The following ANK3 variants were observed in gnomAD, a reference collection of about 807,000 sequenced individuals.
ANK3 encodes ankyrin-3.
Under a neutral mutation model 370.9 loss-of-function variants are expected in ANK3, and 57 were observed. The observed-to-expected ratio is 0.15, with a 90% CI of 0.12 to 0.19. The LOEUF is 0.19. ANK3 is among the 10% of genes least tolerant of loss of function. The pLI is 1.00. For missense variants in ANK3, 4,439 were observed against 5,302.1 expected, an observed-to-expected ratio of 0.84 and a Z score of 5.06; for synonymous variants, 1,929 against 1,946.3, an observed-to-expected ratio of 0.99 and a Z score of 0.23.
chr10:60,211,500 G>A (rs1296492329), intron 9 of ANK3, among the ~76,000 whole-genome samples: 1 of 152,042 alleles, frequency 6.6e-6, no homozygotes, highest in Admixed American at 6.6e-5. Flanking sequence ...CTATGAAAAG[G>A]GAATAACAGT....
intron 1 of ANK3, among the ~76,000 whole-genome samples, chr10:60,691,311 A>G (rs2079349221): frequency 6.6e-6 from 1 of 152,188 alleles, no homozygotes; most frequent in Non-Finnish European, 1.5e-5. Flanking sequence ...TTGAAAAAGA[A>G]AAGAAAAGAA....
At chr10:60,178,204 T>G (rs2096036058) in intron 18 of ANK3, among the ~76,000 whole-genome samples, 1 of 152,210 alleles carries the variant, frequency 6.6e-6, no homozygotes, top group African/African-American at 2.4e-5. Context: ...AATCCCCATT[T>G]TTCTTCACAT....
chr10:60,413,374 G>A (rs1480478252), intron 2 of ANK3, among the ~76,000 whole-genome samples: 1 of 152,202 alleles, frequency 6.6e-6, no homozygotes. Context: ...CAGTGCCTCA[G>A]CTAAAGCTCT....
At chr10:60,507,772 G>T (rs2075978047) in intron 2 of ANK3, 1 of 151,874 alleles carries the variant, frequency 6.6e-6, no homozygotes, top group African/African-American at 2.4e-5. Flanking sequence ...ATATTAAAAG[G>T]ATTTAGCTAT....
chr10:60,049,930 A>G (rs2077608766), intron 42 of ANK3, among the ~76,000 whole-genome samples: 1 of 152,202 alleles, frequency 6.6e-6, no homozygotes, highest in African/African-American at 2.4e-5. Flanking sequence ...GATAGAAGAA[A>G]GTCAACTTCT....
At chr10:60,230,422 CA>C (rs1296098238) in intron 8 of ANK3, among the ~76,000 whole-genome samples, 1 of 152,156 alleles carries the variant, frequency 6.6e-6, no homozygotes, top group Non-Finnish European at 1.5e-5. Flanking sequence ...ACCAGATTGA[CA>C]AATATGCCTT....
rs757908506 is a variant in ANK3, at chr10:60,279,598, T to C, written c.156A>G (p.Gly52=). The C allele has an allele frequency of 6.2e-7, 1 of 1,612,694 alleles. No homozygotes were observed. The highest frequency in any genetic ancestry group is 1.7e-5 in the Admixed American group (1 of 59,564). Reference sequence around the variant, plus strand: ...TGTAGTCGAGGGCCTTTTCAAGGTGTCCAGCTCGAGCTGCTCTTAAGTAAC... The same window carrying C: ...TGTAGTCGAGGGCCTTTTCAAGGTGCCCAGCTCGAGCTGCTCTTAAGTAAC... ...NASYLRAARA[G]HLEKALDYIK... Residue 52 remains glycine (G), a synonymous_variant, in exon 2 of 44, where the codon GGA becomes GGG. Transcript: ENST00000280772.
chr10:60,043,973 C>T, intron 42 of ANK3: 1 of 985,840 alleles, frequency 1.0e-6, no homozygotes, highest in Non-Finnish European at 1.2e-6. Flanking sequence ...GCAAACACTT[C>T]AAGCTGCCAC....
At chr10:60,053,610 G>A in intron 42 of ANK3, 1 of 1,203,668 alleles carries the variant, frequency 8.3e-7, no homozygotes, top group South Asian at 1.4e-5. Flanking sequence ...AAACCAAATG[G>A]AATTTTCTCA....
intron 5 of ANK3, among the ~76,000 whole-genome samples, chr10:60,268,679 G>A (rs1372432963): frequency 6.6e-6 from 1 of 151,688 alleles, no homozygotes. Context: ...TTTTAGAAGT[G>A]CAGCTGCTAA....
chr10:60,300,828 A>C (rs1451421415), intron 1 of ANK3, among the ~76,000 whole-genome samples: 1 of 151,970 alleles, frequency 6.6e-6, no homozygotes, highest in African/African-American at 2.4e-5. Flanking sequence ...GTCAGGCTTG[A>C]CTTTTATTAT....
rs556956726 is a variant in ANK3 at position 60,341,029 on chromosome 10, G to A, written c.114+48396C>T. On this transcript the variant is annotated intron_variant, in intron 1 of 43. Coordinates refer to ENST00000280772, the MANE Select transcript of ANK3 (RefSeq NM_020987.5). ...GACTCCAGTGCAGAACTTCTAAGCCGTCATTCTGTGTTGGCTGTCTCTTAT... is the reference window on the plus strand; with the variant it reads ...GACTCCAGTGCAGAACTTCTAAGCCATCATTCTGTGTTGGCTGTCTCTTAT... Among the ~76,000 whole-genome samples, 12 of 152,230 alleles carry A rather than the reference G, an allele frequency of 7.9e-5. No homozygotes were observed. In the South Asian group the frequency reaches 8.3e-4, roughly 11 times the overall value.
rs761323592 is a variant in ANK3 at position 60,108,935 on chromosome 10, C to T, written c.3068G>A (p.Arg1023His). Residue 1023 changes from arginine to histidine, a missense_variant, in exon 27 of 44, where the codon CGT becomes CAT. Arg to His is a conservative substitution (Grantham distance 29). Around this residue, in one of 13 missense-constraint regions of ANK3, gnomAD observed 702 missense variants for 941.5 expected, o/e 0.75. Coordinates refer to ENST00000280772, the MANE Select transcript of ANK3 (RefSeq NM_020987.5). ...KCTAPTRITCRLVKRHKLANP... is the reference protein window; with the variant it reads ...KCTAPTRITCHLVKRHKLANP... ...GGCCAGTTTATGTCTCTTTACCAAA[C>T]GGCAGGTGATTCGAGTGGGGGCCGT... 11 of 1,614,028 alleles carry T rather than the reference C, an allele frequency of 6.8e-6. No individual in the cohort carries two copies. Among genetic ancestry groups the T allele is most frequent in the South Asian group, 1.1e-5 (1 of 91,080 alleles).
chr10:60,575,945 A>C (rs2077677119), intron 2 of ANK3, among the ~76,000 whole-genome samples: 1 of 152,168 alleles, frequency 6.6e-6, no homozygotes, highest in African/African-American at 2.4e-5. Flanking sequence ...GTGCATTTTA[A>C]ATTAAAATTG....
At chr10:60,554,204 T>A (rs1439339271) in intron 2 of ANK3, among the ~76,000 whole-genome samples, 3 of 152,174 alleles carry the variant, frequency 2.0e-5, no homozygotes, top group Non-Finnish European at 4.4e-5. Flanking sequence ...AAGCTATGCT[T>A]TTTATTTTTT....
At chr10:60,036,729 T>A (rs1275744618) in intron 43 of ANK3, among the ~76,000 whole-genome samples, 2 of 152,004 alleles carry the variant, frequency 1.3e-5, no homozygotes, top group African/African-American at 4.8e-5. Context: ...AGCCACTGCA[T>A]CTGGCTGAGG....
At chr10:60,468,782 T>A (rs373603862) in intron 2 of ANK3, among the ~76,000 whole-genome samples, 12 of 151,872 alleles carry the variant, frequency 7.9e-5, no homozygotes, top group African/African-American at 2.9e-4. Flanking sequence ...TCACTCAATA[T>A]ACACTGGTTA....
Position 60,418,714 on chromosome 10 carries a change from A to AG in ANK3, c.97-139076dup, listed in dbSNP as rs541677436. On this transcript the variant is annotated intron_variant, in intron 2 of 43. Coordinates refer to the ANK3 transcript ENST00000373827. ...ATATTGCATGGGACATACTTACGCT[A>AG]GAAAAAAAAAAAAGCCTTGTTTATC... Among the ~76,000 whole-genome samples the AG allele has an allele frequency of 1.7e-3, 253 of 151,654 alleles. 1 individual carries two copies. Among genetic ancestry groups the AG allele is most frequent in the African/African-American group, 5.8e-3 (241 of 41,254 alleles).
intron 2 of ANK3, among the ~76,000 whole-genome samples, chr10:60,409,746 A>AC (rs1410163337): frequency 1.3e-5 from 2 of 151,558 alleles, no homozygotes; most frequent in African/African-American, 2.4e-5. Context: ...CACAGCCTAG[A>AC]CCCCTCCTCT....
Sources: gnomAD v4.1 joint callset for allele counts (sites outside exome capture counted in the v4.1 genomes callset) on GRCh38, gnomAD v4.1.1 for gene constraint, gnomAD v4.1.1 regional missense constraint, MANE v1.5 for transcripts, NCBI Gene and HGNC (gene_info 2026-07-23, HGNC 2026-07-21) for gene names.